The following OGDH variants were observed in gnomAD, a reference collection of about 807,000 sequenced individuals.
OGDH encodes 2-oxoglutarate dehydrogenase complex component E1.
Under a neutral mutation model 116.6 loss-of-function variants are expected in OGDH, and 38 were observed. The ratio of observed to expected loss-of-function variants is 0.33; its 90% CI spans 0.25 to 0.43. The LOEUF (loss-of-function observed/expected upper bound fraction) is 0.43. Among genes scored for constraint, OGDH ranks in the 20% least tolerant of loss-of-function variants. The probability of loss-of-function intolerance (pLI) is 1.00; values close to 1 mark genes in which losing one functional copy is unlikely to be tolerated. For missense variants in OGDH, 825 were observed against 1,357.2 expected (o/e 0.61, Z 6.16); for synonymous variants, 488 against 533.3 (o/e 0.92, Z 1.17).
chr7:44,702,749 C>T (rs1002831203), intron 20 of OGDH, among the ~76,000 whole-genome samples: 1 of 152,180 alleles, frequency 6.6e-6, no homozygotes, highest in African/African-American at 2.4e-5. Flanking sequence ...CCCGCCACCA[C>T]GCCTGGCTAA....
intron 2 of OGDH, among the ~76,000 whole-genome samples, chr7:44,639,535 T>G (rs563659310): frequency 3.3e-5 from 5 of 152,362 alleles, no homozygotes; most frequent in African/African-American, 1.2e-4. Flanking sequence ...GAGGTTTAAC[T>G]TACATATATT....
In OGDH at chr7:44,645,264, G is replaced by C. The variant is rs1786118953; in HGVS notation, c.223-63G>C. The C allele has an allele frequency of 2.0e-6, 3 of 1,473,180 alleles. No individual in the cohort carries two copies. Among genetic ancestry groups the C allele is most frequent in the South Asian group, 2.4e-5 (2 of 82,160 alleles). 91.3% of individuals were successfully genotyped at this position (1,473,180 alleles called of 1,614,324 possible). ...TGCCTGCAGAGAGCAGTTCTCTGTG[G>C]CCACAGATGCATCCTGGACTTAGGG... On this transcript the variant is annotated intron_variant, in intron 2 of 22. Transcript: ENST00000222673.
chr7:44,707,042 G>C lies in OGDH; in HGVS notation c.2633-183G>C, dbSNP rs1184837010. 6.6e-6 allele frequency among the ~76,000 whole-genome samples: 1 copy of C among 152,208 alleles called. No individual in the cohort carries two copies. ...CTGCTGTGTATTTGTTACACGTAAC[G>C]TGCTTTTCAAAGTGTGCCTGGTCTG... On this transcript the variant is annotated intron_variant, in intron 20 of 22. Transcript: ENST00000222673. The surrounding 1 kb of genome is among the most constrained non-coding windows in gnomAD (Gnocchi z 5.2).
Position 44,708,018 on chromosome 7 carries a change from T to G in OGDH, c.*19T>G, listed in dbSNP as rs1789164022. On this transcript the variant is annotated 3_prime_UTR_variant, in exon 23 of 23. Transcript: ENST00000222673. ...CTCGTAGATGCTGCCTAGGGTTGCT[T>G]GGGCCACTGCCCTCTCCACACCCAT... The G allele has an allele frequency of 6.2e-7, 1 of 1,608,814 alleles. No homozygotes were observed. The highest frequency in any genetic ancestry group is 1.3e-5 in the African/African-American group (1 of 75,000).
At chr7:44,673,376 C>T (rs1787554443) in intron 5 of OGDH, among the ~76,000 whole-genome samples, 1 of 152,196 alleles carries the variant, frequency 6.6e-6, no homozygotes, top group Admixed American at 6.5e-5. Context: ...GCCATTGAGC[C>T]TATGACACCC....
intron 3 of OGDH, 77 bp downstream of exon 3, chr7:44,645,595 T>G: frequency 7.3e-7 from 1 of 1,361,710 alleles, no homozygotes; most frequent in Admixed American, 2.2e-5. Flanking sequence ...CCTATTGGCC[T>G]TTCTGAGTGT....
intron 1 of OGDH, among the ~76,000 whole-genome samples, chr7:44,616,607 A>G (rs1469143494): frequency 7.1e-6 from 1 of 141,382 alleles, no homozygotes; most frequent in African/African-American, 2.7e-5. Context: ...CCTAGGCTAC[A>G]TATATATATG....
intron 4 of OGDH, among the ~76,000 whole-genome samples, chr7:44,652,382 T>G (rs948349192): frequency 1.3e-5 from 2 of 152,126 alleles, no homozygotes; most frequent in Non-Finnish European, 2.9e-5. Flanking sequence ...AGTGCTGGGA[T>G]TACATGTGTG....
chr7:44,652,310 A>G, intron 4 of OGDH, among the ~76,000 whole-genome samples: 1 of 151,380 alleles, frequency 6.6e-6, no homozygotes, highest in East Asian at 2.0e-4. Context: ...GGGTTTCACC[A>G]TATTGGCCAG....
intron 2 of OGDH, among the ~76,000 whole-genome samples, chr7:44,625,327 G>T (rs1249468909): frequency 6.6e-6 from 1 of 152,088 alleles, no homozygotes; most frequent in African/African-American, 2.4e-5. Flanking sequence ...ATTTTACTTT[G>T]TTGGCCAGGC....
intron 10 of OGDH, among the ~76,000 whole-genome samples, chr7:44,692,234 C>G (rs778386048): frequency 1.3e-5 from 2 of 152,006 alleles, no homozygotes; most frequent in Non-Finnish European, 2.9e-5. Context: ...ATTGTGTTTA[C>G]CACAAATTGG....
In OGDH at chr7:44,693,749, C is replaced by T. The variant is rs184764957; in HGVS notation, c.1336-76C>T. The T allele has an allele frequency of 1.5e-4, 202 of 1,374,092 alleles. 2 individuals carry two copies. The highest frequency in any genetic ancestry group is 1.2e-3 in the African/African-American group (83 of 69,100). The allele number at this position is 1,374,092 out of a possible 1,614,324, so 85.1% of individuals were successfully genotyped here. A position where few individuals can be genotyped will look rare whatever the true frequency, so the allele number is the denominator to read the frequency against. Reference sequence around the variant, plus strand: ...CCAGATGGCAAGTGCATGCCATGCCCGGCCTCAGCCCCGCCCTCTGGTCCC... The same window carrying T: ...CCAGATGGCAAGTGCATGCCATGCCTGGCCTCAGCCCCGCCCTCTGGTCCC... On this transcript the variant is annotated intron_variant, in intron 10 of 22. Coordinates refer to ENST00000222673, the MANE Select transcript of OGDH (RefSeq NM_002541.4).
chr7:44,646,906 C>A (rs1449666360), intron 3 of OGDH, among the ~76,000 whole-genome samples: 1 of 152,120 alleles, frequency 6.6e-6, no homozygotes, highest in Admixed American at 6.6e-5. Flanking sequence ...CAGTTAAGGC[C>A]AACACTTAAG....
Position 44,708,099 on chromosome 7 carries a change from G to A in OGDH, c.*100G>A, listed in dbSNP as rs144736041. On this transcript the variant is annotated 3_prime_UTR_variant, in exon 23 of 23. Transcript: ENST00000222673. ...GTGCCTCAGCGCTGCCCACACCACC[G>A]CCCTCCTCGCTGTGCCACCACCCCT... 6.6e-4 allele frequency: 964 copies of A among 1,459,940 alleles called. 4 individuals are homozygous for A. The African/African-American group carries it at 0.012, about 18-fold the overall frequency. The allele number at this position is 1,459,940 out of a possible 1,614,324, so 90.4% of individuals were successfully genotyped here. A position where few individuals can be genotyped will look rare whatever the true frequency, so the allele number is the denominator to read the frequency against.
chr7:44,609,145 T>C (rs181216202), intron 1 of OGDH, among the ~76,000 whole-genome samples: 1 of 152,210 alleles, frequency 6.6e-6, no homozygotes, highest in East Asian at 1.9e-4. Flanking sequence ...TAGAGCCTTT[T>C]GGGATTGGTT....
chr7:44,609,408 G>A (rs1784479995), intron 1 of OGDH, among the ~76,000 whole-genome samples: 1 of 150,982 alleles, frequency 6.6e-6, no homozygotes, highest in South Asian at 2.1e-4. Flanking sequence ...TACTCAGGAA[G>A]CTGAGGTGGG....
chr7:44,647,453 C>T (rs1164384768), intron 3 of OGDH: 1 of 1,537,524 alleles, frequency 6.5e-7, no homozygotes, highest in Non-Finnish European at 8.7e-7. Flanking sequence ...GGTCAGGGGT[C>T]ACCACATTGC....
At chr7:44,640,473 A>G (rs573752033) in intron 2 of OGDH, among the ~76,000 whole-genome samples, 246 of 151,926 alleles carry the variant, frequency 1.6e-3, no homozygotes, top group Admixed American at 8.5e-3. Context: ...TACTATTTTA[A>G]TTGTTATTCA....
intron 1 of OGDH, among the ~76,000 whole-genome samples, chr7:44,614,834 C>CTTTTTTTTTTTTTTTT (rs201747358): frequency 9.0e-6 from 1 of 111,160 alleles, no homozygotes; most frequent in Non-Finnish European, 1.9e-5. Context: ...TCTTTTGGTT[C>CTTTTTTTTTTTTTTTT]TTTTTTTTTT....
Sources: allele counts gnomAD v4.1 joint callset (sites outside exome capture counted in the v4.1 genomes callset), GRCh38; gene constraint gnomAD v4.1.1; non-coding constraint Gnocchi (gnomAD v3.1); transcripts MANE v1.5; gene names NCBI Gene and HGNC (gene_info 2026-07-23, HGNC 2026-07-21).